The following KSR2 variants were observed in gnomAD, a reference collection of about 807,000 sequenced individuals.
KSR2 encodes the protein kinase suppressor of ras 2.
Under a neutral mutation model 107.8 loss-of-function variants are expected in KSR2, and 25 were observed. That is an observed-to-expected ratio of 0.23 (90% CI 0.17 to 0.32). KSR2 has a LOEUF of 0.32. Ranked by LOEUF, KSR2 falls within the 10% of genes least tolerant of loss-of-function variation. The probability of loss-of-function intolerance (pLI) is 1.00; values close to 1 mark genes in which losing one functional copy is unlikely to be tolerated. For missense variants in KSR2, 887 were observed against 1,268.9 expected (o/e 0.70, Z 4.57); for synonymous variants, 480 against 507.0 (o/e 0.95, Z 0.71).
chr12:117,581,928 A>G (rs1283920456), intron 6 of KSR2, among the ~76,000 whole-genome samples: 1 of 151,990 alleles, frequency 6.6e-6, no homozygotes, highest in East Asian at 1.9e-4. Context: ...TAATCTGCAC[A>G]GTCACCCTAT....
rs1158489739 is a variant in KSR2, at chr12:117,772,200, AACAC to A, written c.473-10680_473-10677del. 2.0e-3 allele frequency among the ~76,000 whole-genome samples: 197 copies of A among 100,144 alleles called. 2 individuals carry two copies. Among genetic ancestry groups the A allele is most frequent in the African/African-American group, 7.6e-3 (187 of 24,548 alleles). The allele number at this position is 100,144 out of a possible 152,430, so 65.7% of individuals were successfully genotyped here. ...CACACCATTCCCCCAAAGACGCACAAACACACACTCATACACACACACCATTCCC... is the reference window on the plus strand; with the variant it reads ...CACACCATTCCCCCAAAGACGCACAAACACTCATACACACACACCATTCCC... On this transcript the variant is annotated intron_variant, in intron 3 of 19. Coordinates refer to ENST00000339824, the MANE Select transcript of KSR2 (RefSeq NM_173598.6).
At chr12:117,567,688 C>T (rs1176236255) in intron 7 of KSR2, among the ~76,000 whole-genome samples, 3 of 151,030 alleles carry the variant, frequency 2.0e-5, no homozygotes, top group Non-Finnish European at 4.4e-5. Context: ...ATCACGAAAC[C>T]GAATCCTTGC....
intron 17 of KSR2, among the ~76,000 whole-genome samples, chr12:117,475,819 C>A (rs1383400655): frequency 6.6e-6 from 1 of 152,210 alleles, no homozygotes; most frequent in African/African-American, 2.4e-5. Flanking sequence ...ATGTAAATTT[C>A]TGAGACTAGA....
At chr12:117,895,335 C>A (rs1894479591) in intron 1 of KSR2, among the ~76,000 whole-genome samples, 1 of 152,140 alleles carries the variant, frequency 6.6e-6, no homozygotes. Flanking sequence ...ACTCCAGGCT[C>A]TGGGTAGAAG....
chr12:117,559,434 A>G (rs1338013000), intron 7 of KSR2, among the ~76,000 whole-genome samples: 2 of 152,164 alleles, frequency 1.3e-5, no homozygotes, highest in Non-Finnish European at 2.9e-5. Flanking sequence ...ATTTTATACT[A>G]TGTCATTTAA....
intron 14 of KSR2, among the ~76,000 whole-genome samples, chr12:117,516,454 T>C (rs1336583121): frequency 6.6e-6 from 1 of 152,190 alleles, no homozygotes; most frequent in African/African-American, 2.4e-5. Context: ...CTGTTTGTAG[T>C]GTCAAAGATG....
chr12:117,849,352 G>C (rs1193663734), intron 3 of KSR2, among the ~76,000 whole-genome samples: 2 of 152,156 alleles, frequency 1.3e-5, no homozygotes, highest in Non-Finnish European at 1.5e-5. Context: ...ACCTCAGCAC[G>C]CATTTCTAGA....
chr12:117,764,482 C>T (rs1323233901), intron 3 of KSR2, among the ~76,000 whole-genome samples: 1 of 152,112 alleles, frequency 6.6e-6, no homozygotes, highest in Admixed American at 6.6e-5. Context: ...AAAACTTCGG[C>T]CACCTCAACA....
chr12:117,756,185 A>G (rs1222176462), intron 4 of KSR2, among the ~76,000 whole-genome samples: 2 of 152,250 alleles, frequency 1.3e-5, no homozygotes, highest in African/African-American at 4.8e-5. Flanking sequence ...AAGTGGTTAC[A>G]CTAAATGACA....
chr12:117,739,759 C>G (rs374468916), intron 4 of KSR2, among the ~76,000 whole-genome samples: 8 of 152,024 alleles, frequency 5.3e-5, no homozygotes, highest in African/African-American at 1.9e-4. Context: ...TTGCTAGAGA[C>G]AGGATGAGGT....
intron 1 of KSR2, among the ~76,000 whole-genome samples, chr12:117,932,834 G>A (rs1895732436): frequency 6.6e-6 from 1 of 152,056 alleles, no homozygotes. Context: ...CCAACATGGT[G>A]AAACCCCATC....
Position 117,458,609 on chromosome 12 carries a change from C to A in KSR2, c.*8590G>T, listed in dbSNP as rs1007549586. On this transcript the variant is annotated 3_prime_UTR_variant, in exon 20 of 20. Coordinates refer to ENST00000339824, the MANE Select transcript of KSR2 (RefSeq NM_173598.6). ...CATCTCTACAATTGTGCAACTTTCT[C>A]CTCAGTTTACAATACAGGGGAGATA... is the stretch of plus-strand genomic sequence containing the variant. 2 of 152,118 alleles carry A rather than the reference C, an allele frequency of 1.3e-5. No individual in the cohort carries two copies. Among genetic ancestry groups the A allele is most frequent in the Non-Finnish European group, 2.9e-5 (2 of 68,028 alleles). 9.4% of individuals were successfully genotyped at this position (152,118 alleles called of 1,614,324 possible).
chr12:117,576,266 AC>A, intron 7 of KSR2, among the ~76,000 whole-genome samples: 1 of 151,880 alleles, frequency 6.6e-6, no homozygotes, highest in East Asian at 1.9e-4. Context: ...AGTTGCCATT[AC>A]CCCCACGGAA....
chr12:117,782,510 C>T (rs1013998764), intron 3 of KSR2, among the ~76,000 whole-genome samples: 2 of 152,196 alleles, frequency 1.3e-5, no homozygotes, highest in Non-Finnish European at 2.9e-5. Flanking sequence ...AGTGATCCAT[C>T]CACCTTGGCC....
At position 117,932,783 on chromosome 12, in the gene KSR2, C is replaced by T. The variant is rs181119701; in HGVS notation, c.180+35293G>A. Among the ~76,000 whole-genome samples, 886 of 152,078 alleles carry T rather than the reference C, an allele frequency of 5.8e-3. 8 individuals carry two copies. Among genetic ancestry groups the T allele is most frequent in the Middle Eastern group, 0.021 (6 of 292 alleles). ...ATCCCAACACTTTGGGAGGCTGAGG[C>T]GGGCAGATCACCTGAGGTCAGCAGT... On this transcript the variant is annotated intron_variant, in intron 1 of 19. Transcript: ENST00000339824.
At chr12:117,478,496 G>A (rs1871943848) in intron 16 of KSR2, among the ~76,000 whole-genome samples, 1 of 152,008 alleles carries the variant, frequency 6.6e-6, no homozygotes, top group South Asian at 2.1e-4. Flanking sequence ...GTGCAGAGGT[G>A]AGATCATAGT....
chr12:117,556,877 A>C (rs573837762), intron 8 of KSR2, among the ~76,000 whole-genome samples: 2 of 152,296 alleles, frequency 1.3e-5, no homozygotes, highest in African/African-American at 4.8e-5. Flanking sequence ...TTTAAAAATA[A>C]GCATATGGGC....
At chr12:117,827,213 C>T (rs1891793312) in intron 3 of KSR2, among the ~76,000 whole-genome samples, 1 of 152,098 alleles carries the variant, frequency 6.6e-6, no homozygotes, top group South Asian at 2.1e-4. Context: ...TGTACCTGCT[C>T]CTGGAAGTCT....
chr12:117,882,779 G>A (rs1894065771), intron 1 of KSR2, among the ~76,000 whole-genome samples: 1 of 141,712 alleles, frequency 7.1e-6, no homozygotes, highest in Non-Finnish European at 1.5e-5. Context: ...CCATCCATCT[G>A]TTCATTTATT....
Sources: gnomAD v4.1 joint callset for allele counts (sites outside exome capture counted in the v4.1 genomes callset) on GRCh38, gnomAD v4.1.1 for gene constraint, MANE v1.5 for transcripts, NCBI Gene and HGNC (gene_info 2026-07-23, HGNC 2026-07-21) for gene names.